Variants in SEMA3G observed in about 807,000 individuals in gnomAD.
SEMA3G encodes the protein semaphorin-3G.
A neutral mutation model predicts 86.2 loss-of-function variants in SEMA3G; 70 were observed. The ratio of observed to expected loss-of-function variants is 0.81; its 90% CI spans 0.67 to 0.99. The LOEUF (loss-of-function observed/expected upper bound fraction) is 0.99. SEMA3G is among the 50% of genes least tolerant of loss of function. The probability of loss-of-function intolerance (pLI) is 0.00; values close to 1 mark genes in which losing one functional copy is unlikely to be tolerated. For missense variants in SEMA3G, 1,002 were observed against 1,072.4 expected, an observed-to-expected ratio of 0.93 and a Z score of 0.92; for synonymous variants, 416 against 441.4, an observed-to-expected ratio of 0.94 and a Z score of 0.72.
At chr3:52,444,730 ACACGCAAACTCG>A (rs1559613253) in intron 1 of SEMA3G, among the ~76,000 whole-genome samples, 171 bp downstream of exon 1, 2 of 12,276 alleles carry the variant, frequency 1.6e-4, no homozygotes, top group Non-Finnish European at 2.5e-4. Flanking sequence ...CAAACACGGC[ACACGCAAACTCG>A]GCACACGCAC....
chr3:52,439,722 A>T lies in SEMA3G; in HGVS notation c.1425T>A (p.Ala475=). ...KVIALQAGGS[A]EPEEVVLEEL... ...CCTCCAGAACCACTTCCTCAGGTTC[A>T]GCTGAGCCCCCTGCCTGGAGAGCGA... The change falls in exon 12 of 16, where the codon GCT becomes GCA. Residue 475 remains alanine, a synonymous_variant. Coordinates refer to ENST00000231721, the MANE Select transcript of SEMA3G (RefSeq NM_020163.3). 6.2e-7 allele frequency: 1 copy of T among 1,614,028 alleles called. No individual in the cohort carries two copies. The highest frequency in any genetic ancestry group is 8.5e-7 in the Non-Finnish European group (1 of 1,180,002).
chr3:52,441,500 C>A, intron 6 of SEMA3G, 74 bp downstream of exon 6: 1 of 1,581,656 alleles, frequency 6.3e-7, no homozygotes, highest in Non-Finnish European at 8.7e-7. Flanking sequence ...GGGCAGGGGA[C>A]TCCCACTGGA....
At chr3:52,438,784 C>A (rs571164620) in intron 13 of SEMA3G, 136 bp downstream of exon 13, 1 of 1,490,656 alleles carries the variant, frequency 6.7e-7, no homozygotes, top group African/African-American at 1.4e-5. Flanking sequence ...GTTGCAGGGG[C>A]GAATCAGGCC....
At position 52,438,108 on chromosome 3, in the gene SEMA3G, A is replaced by C. The variant is rs1706081985; in HGVS notation, c.1601T>G (p.Leu534Arg). ...TYGTACAECC[L>R]ARDPYCAWDG... The stretch of plus-strand genomic sequence containing the variant: ...CCAGGCACAGTATGGGTCCCGGGCC[A>C]GGCAGCACTCTGCACAGGCAGTGCC... Residue 534 changes from leucine to arginine, a missense_variant, in exon 14 of 16, where the codon CTG (leucine) becomes CGG (arginine). Transcript: ENST00000231721. The C allele has an allele frequency of 6.2e-7, 1 of 1,613,174 alleles. No homozygotes were observed. The highest frequency in any genetic ancestry group is 1.1e-5 in the South Asian group (1 of 91,090).
In SEMA3G at chr3:52,441,361, T is replaced by C; in HGVS notation, c.716A>G (p.Asp239Gly). 6.2e-7 allele frequency: 1 copy of C among 1,613,884 alleles called. No homozygotes were observed. The highest frequency in any genetic ancestry group is 8.5e-7 in the Non-Finnish European group (1 of 1,179,992). ...GAAGAAGAAGTACACCTTGTCATTG[T>C]CCTGGTCAGAGTTCTCAGGGATCCG... ...AARIPENSDQ[D>G]NDKVYFFFSE... is the part of the protein sequence containing the mutation. The change falls in exon 7 of 16, where the codon GAC (aspartate) becomes GGC (glycine). Residue 239 changes from aspartate (D) to glycine (G), a missense_variant. Physicochemically the swap from Asp to Gly is moderately conservative, Grantham distance 94. Coordinates refer to ENST00000231721, the MANE Select transcript of SEMA3G (RefSeq NM_020163.3).
rs1389653487 is a variant in SEMA3G at position 52,442,345 on chromosome 3, G to A, written c.340-41C>T. On this transcript the variant is annotated intron_variant, in intron 3 of 15. Coordinates refer to ENST00000231721, the MANE Select transcript of SEMA3G (RefSeq NM_020163.3). This position sits in a 1 kb window ranked among gnomAD's most constrained non-coding sequence, Gnocchi z 6.1. ...GGGGGTGGTTGAGGGGTGAGAGGGGGTGCCCACCATCTCCTTGGGGCCCAA... is the reference window on the plus strand; with the variant it reads ...GGGGGTGGTTGAGGGGTGAGAGGGGATGCCCACCATCTCCTTGGGGCCCAA... 6.4e-7 allele frequency: 1 copy of A among 1,550,822 alleles called. No individual in the cohort carries two copies. Among genetic ancestry groups the A allele is most frequent in the South Asian group, 1.1e-5 (1 of 89,824 alleles).
intron 4 of SEMA3G, 64 bp from the exon 5 acceptor site, chr3:52,441,973 C>T (rs1706167931): frequency 4.3e-6 from 6 of 1,394,796 alleles, no homozygotes; most frequent in Non-Finnish European, 5.9e-6. Context: ...CAGCCCACAC[C>T]CAAGCAGGAG....
Position 52,445,097 on chromosome 3 carries a change from G to A in SEMA3G, c.-70C>T. ...CCTCTGGTCCCGCTGGCCGCCGGTTGTAGTTTGCTCTGCTGCCACCAGGCC... is the reference window on the plus strand; with the variant it reads ...CCTCTGGTCCCGCTGGCCGCCGGTTATAGTTTGCTCTGCTGCCACCAGGCC... On this transcript the variant is annotated 5_prime_UTR_variant, in exon 1 of 16. Transcript: ENST00000231721. 1 of 1,252,552 alleles carries A rather than the reference G, an allele frequency of 8.0e-7. No homozygotes were observed. Among genetic ancestry groups the A allele is most frequent in the Non-Finnish European group, 1.0e-6 (1 of 995,976 alleles). The allele number at this position is 1,252,552 out of a possible 1,614,324, so 77.6% of individuals were successfully genotyped here. A position where few individuals can be genotyped will look rare whatever the true frequency, so the allele number is the denominator to read the frequency against.
At position 52,442,350 on chromosome 3, in the gene SEMA3G, C is replaced by A; in HGVS notation, c.340-46G>T. ...TGGTTGAGGGGTGAGAGGGGGTGCCCACCATCTCCTTGGGGCCCAAGGCTC... is the reference window on the plus strand; with the variant it reads ...TGGTTGAGGGGTGAGAGGGGGTGCCAACCATCTCCTTGGGGCCCAAGGCTC... On this transcript the variant is annotated intron_variant, in intron 3 of 15. Transcript: ENST00000231721. The surrounding 1 kb of genome is among the most constrained non-coding windows in gnomAD (Gnocchi z 6.1). 6.3e-7 allele frequency: 1 copy of A among 1,598,940 alleles called. No homozygotes were observed.
rs79229078 is a variant in SEMA3G at position 52,441,580 on chromosome 3, A to G, written c.661T>C (p.Leu221=). The change falls in exon 6 of 16, where the codon TTG becomes CTG. Residue 221 remains leucine, a synonymous_variant. Transcript: ENST00000231721. The part of the protein sequence containing the change: ...ALRSDSDQSL[L]HDPRFVMAAR... ...TTCCAGGGGCAGGCCTCACCGTGCAAGAGACTCTGGTCAGAGTCGGAACGC... is the reference window on the plus strand; with the variant it reads ...TTCCAGGGGCAGGCCTCACCGTGCAGGAGACTCTGGTCAGAGTCGGAACGC... 7,166 of 1,612,252 alleles carry G rather than the reference A, an allele frequency of 4.4e-3. 236 individuals are homozygous for G. In the African/African-American group the frequency reaches 0.077, roughly 17 times the overall value.
intron 14 of SEMA3G, 146 bp downstream of exon 14, chr3:52,437,825 T>C: frequency 2.7e-6 from 3 of 1,097,940 alleles, no homozygotes; most frequent in Non-Finnish European, 4.0e-6. Flanking sequence ...CCTGCTTCCA[T>C]GCACTAGCAG....
chr3:52,443,181 C>A lies in SEMA3G; in HGVS notation c.116-274G>T, dbSNP rs1706193299. 25 of 663,664 alleles carry A rather than the reference C, an allele frequency of 3.8e-5. No homozygotes were observed. In the South Asian group the frequency reaches 4.0e-4, roughly 11 times the overall value. The allele number at this position is 663,664 out of a possible 1,614,324, so 41.1% of individuals were successfully genotyped here. A position where few individuals can be genotyped will look rare whatever the true frequency, so the allele number is the denominator to read the frequency against. On this transcript the variant is annotated intron_variant, in intron 1 of 15. Transcript: ENST00000231721. ...CCCTTCATCATGCAGCTAACATCTT[C>A]CCACTGTCCCATCTGTGCCCTACCC...
chr3:52,440,903 G>A (rs374474604), intron 8 of SEMA3G, 31 bp downstream of exon 8: 7 of 1,600,068 alleles, frequency 4.4e-6, no homozygotes, highest in East Asian at 2.2e-5. Context: ...CCCCACTCCC[G>A]AGCCCTAGGC....
Position 52,439,777 on chromosome 3 carries a change from G to A in SEMA3G, c.1376-6C>T, listed in dbSNP as rs1578256855. 2 of 1,613,516 alleles carry A rather than the reference G, an allele frequency of 1.2e-6. No individual in the cohort carries two copies. The highest frequency in any genetic ancestry group is 4.5e-5 in the East Asian group (2 of 44,868). ...TTTGAGCACAGACCCTGAGTCTGGG[G>A]CCAGGGAGGAGGGGTCAGCGGGACA... On this transcript the variant is annotated splice_region_variant and splice_polypyrimidine_tract_variant and intron_variant, in intron 11 of 15. Coordinates refer to ENST00000231721, the MANE Select transcript of SEMA3G (RefSeq NM_020163.3).
chr3:52,436,561 CAG>C (rs1706052788), intron 15 of SEMA3G, among the ~76,000 whole-genome samples: 1 of 152,258 alleles, frequency 6.6e-6, no homozygotes, highest in Non-Finnish European at 1.5e-5. Flanking sequence ...CACACACACA[CAG>C]AGACACACAC....
At chr3:52,443,553 G>A (rs548151227) in intron 1 of SEMA3G, among the ~76,000 whole-genome samples, 3 of 152,274 alleles carry the variant, frequency 2.0e-5, no homozygotes, top group African/African-American at 7.2e-5. Context: ...GGCTAGGGAG[G>A]TGGAGGTAAT....
chr3:52,439,985 C>A lies in SEMA3G; in HGVS notation c.1257G>T (p.Arg419=), dbSNP rs774805583. Residue 419 remains arginine (R), a synonymous_variant, in exon 11 of 16, where the codon CGG becomes CGT. Coordinates refer to ENST00000231721, the MANE Select transcript of SEMA3G (RefSeq NM_020163.3). ...RAHPLMFWPV[R]PRHGRPVLVK... ...CAAGGACAGGGCGGCCATGTCGAGG[C>A]CGCACAGGCCAGAACATGAGGGGGT... The A allele has an allele frequency of 6.2e-7, 1 of 1,613,682 alleles. No homozygotes were observed.
rs771177430 is a variant in SEMA3G, at chr3:52,435,704, C to A, written c.2248G>T (p.Ala750Ser). The part of the protein sequence containing the change: ...CFRSRSRGKQ[A>S]RGKSWAGLEL... ...AGCCCTGCCCAGCTCTTGCCCCTGG[C>A]CTGCTTGCCCCGGCTCCGGCTCCGG... Residue 750 changes from alanine to serine, a missense_variant, in exon 16 of 16, where the codon GCC (alanine) becomes TCC (serine). Ala to Ser is a moderately conservative substitution (Grantham distance 99). Coordinates refer to ENST00000231721, the MANE Select transcript of SEMA3G (RefSeq NM_020163.3). 1 of 1,614,008 alleles carries A rather than the reference C, an allele frequency of 6.2e-7. No homozygotes were observed. Among genetic ancestry groups the A allele is most frequent in the East Asian group, 2.2e-5 (1 of 44,878 alleles).
chr3:52,443,425 C>T (rs1295548663), intron 1 of SEMA3G, among the ~76,000 whole-genome samples: 1 of 152,170 alleles, frequency 6.6e-6, no homozygotes, highest in African/African-American at 2.4e-5. Flanking sequence ...AGGGATGCGG[C>T]CAAAGACAAT....
Sources: gnomAD v4.1 joint callset for allele counts (sites outside exome capture counted in the v4.1 genomes callset) on GRCh38, gnomAD v4.1.1 for gene constraint, Gnocchi (gnomAD v3.1) non-coding constraint, MANE v1.5 for transcripts, NCBI Gene and HGNC (gene_info 2026-07-23, HGNC 2026-07-21) for gene names.